The following TBC1D30 variants were observed in gnomAD, a reference collection of about 807,000 sequenced individuals.
TBC1D30 encodes the protein TBC1 domain family member 30.
TBC1D30 carries 31 observed loss-of-function variants against 63.2 expected under a neutral mutation model. The ratio of observed to expected loss-of-function variants is 0.49; its 90% CI spans 0.37 to 0.66. The LOEUF (loss-of-function observed/expected upper bound fraction) is 0.66. Among genes scored for constraint, TBC1D30 ranks in the 30% least tolerant of loss-of-function variants. TBC1D30 has a pLI of 0.00. For missense variants in TBC1D30, 810 were observed against 953.6 expected, an observed-to-expected ratio of 0.85 and a Z score of 1.98; for synonymous variants, 307 against 361.5, an observed-to-expected ratio of 0.85 and a Z score of 1.71.
chr12:64,763,828 C>T (rs1870610418), intron 1 of TBC1D30, among the ~76,000 whole-genome samples: 1 of 152,126 alleles, frequency 6.6e-6, no homozygotes, highest in Non-Finnish European at 1.5e-5. Context: ...TGGTCTCGAA[C>T]TCCTGACCTC....
intron 8 of TBC1D30, among the ~76,000 whole-genome samples, chr12:64,855,881 A>C (rs1877255083): frequency 6.6e-6 from 1 of 152,162 alleles, no homozygotes; most frequent in African/African-American, 2.4e-5. Flanking sequence ...CTGGACATTG[A>C]AGAGTTAGGT....
At chr12:64,834,357 T>C (rs539455160) in intron 5 of TBC1D30, among the ~76,000 whole-genome samples, 1 of 152,206 alleles carries the variant, frequency 6.6e-6, no homozygotes, top group Admixed American at 6.5e-5. Flanking sequence ...TCTTTCATTT[T>C]CAACCTTTTG....
At chr12:64,821,480 A>G (rs1873883641), upstream of TBC1D30, among the ~76,000 whole-genome samples, 1 of 152,246 alleles carries the variant, frequency 6.6e-6, no homozygotes, top group South Asian at 2.1e-4. Flanking sequence ...TTGTTAAAAT[A>G]GAACACAAAA....
chr12:64,828,215 G>A (rs1490823467), intron 2 of TBC1D30, among the ~76,000 whole-genome samples: 1 of 152,154 alleles, frequency 6.6e-6, no homozygotes, highest in Non-Finnish European at 1.5e-5. Flanking sequence ...CAACCATTTT[G>A]TTTGTACTGC....
At chr12:64,834,691 G>A (rs1875177048) in intron 5 of TBC1D30, among the ~76,000 whole-genome samples, 3 of 146,410 alleles carry the variant, frequency 2.0e-5, no homozygotes, top group African/African-American at 5.0e-5. Flanking sequence ...TTACAGGCAT[G>A]AGCCACCGTG....
intron 8 of TBC1D30, among the ~76,000 whole-genome samples, chr12:64,855,106 T>C (rs1189842068): frequency 1.3e-5 from 2 of 152,192 alleles, no homozygotes; most frequent in Non-Finnish European, 2.9e-5. Flanking sequence ...TTTTTTTCTT[T>C]TGGCAGTTTG....
At position 64,880,522 on chromosome 12, in the gene TBC1D30, A is replaced by G. The variant is rs550551159; in HGVS notation, c.*4734A>G. ...TCCTCACACAATGGAGAAAGGGAGT[A>G]TGTTTTGGTCTCTTCCTCTTCTGAT... On this transcript the variant is annotated 3_prime_UTR_variant, in exon 12 of 12. Transcript: ENST00000539867. The G allele has an allele frequency of 1.3e-5, 2 of 152,298 alleles. No homozygotes were observed. The highest frequency in any genetic ancestry group is 4.8e-5 in the African/African-American group (2 of 41,558). The allele number at this position is 152,298 out of a possible 1,614,324, so 9.4% of individuals were successfully genotyped here. A position where few individuals can be genotyped will look rare whatever the true frequency, so the allele number is the denominator to read the frequency against.
upstream of TBC1D30, among the ~76,000 whole-genome samples, chr12:64,821,440 G>C (rs1163572875): frequency 6.6e-6 from 1 of 152,166 alleles, no homozygotes; most frequent in Non-Finnish European, 1.5e-5. Context: ...GGCTTGCCTA[G>C]TGATGGAAAC....
chr12:64,849,739 G>A (rs186517146), intron 8 of TBC1D30, among the ~76,000 whole-genome samples: 135 of 152,126 alleles, frequency 8.9e-4, no homozygotes, highest in African/African-American at 3.0e-3. Context: ...TTGCTTAGGA[G>A]TGTCTTGGCT....
At chr12:64,830,657 C>T (rs962287848) in intron 4 of TBC1D30, among the ~76,000 whole-genome samples, 155 bp downstream of exon 4, 36 of 152,118 alleles carry the variant, frequency 2.4e-4, no homozygotes, top group African/African-American at 7.7e-4. Flanking sequence ...TCATGGGGAA[C>T]CTTGACAATG....
chr12:64,859,806 G>GT (rs1877623188), intron 8 of TBC1D30, among the ~76,000 whole-genome samples: 1 of 152,042 alleles, frequency 6.6e-6, no homozygotes, highest in Admixed American at 6.5e-5. Flanking sequence ...TATGGCACTG[G>GT]TCATAGCTCT....
At chr12:64,780,545 C>T (rs1349378471) in exon 1 of TBC1D30, among the ~76,000 whole-genome samples, 1 of 152,224 alleles carries the variant, frequency 6.6e-6, no homozygotes, top group Non-Finnish European at 1.5e-5. Context: ...GGAGAGCGCT[C>T]TGGGTAGAGG....
chr12:64,809,771 G>C (rs767677718), intron 2 of TBC1D30, among the ~76,000 whole-genome samples: 2 of 152,064 alleles, frequency 1.3e-5, no homozygotes, highest in Non-Finnish European at 2.9e-5. Context: ...CTTCTTGTTT[G>C]TGGCTTTGGA....
intron 2 of TBC1D30, among the ~76,000 whole-genome samples, chr12:64,814,731 C>T (rs994287772): frequency 6.6e-6 from 1 of 152,042 alleles, no homozygotes; most frequent in African/African-American, 2.4e-5. Flanking sequence ...TAATAGGCCA[C>T]GCTTATACTG....
At chr12:64,814,863 A>G (rs1873430144) in intron 2 of TBC1D30, among the ~76,000 whole-genome samples, 2 of 152,206 alleles carry the variant, frequency 1.3e-5, no homozygotes, top group African/African-American at 4.8e-5. Flanking sequence ...AAATTTGACC[A>G]TTACCAGGGC....
chr12:64,804,712 T>A (rs1872764810), intron 2 of TBC1D30, among the ~76,000 whole-genome samples: 2 of 152,180 alleles, frequency 1.3e-5, no homozygotes, highest in Non-Finnish European at 2.9e-5. Flanking sequence ...AAATTCATTT[T>A]TTTCCTCTAA....
chr12:64,867,199 C>T lies in TBC1D30; in HGVS notation c.1291+296C>T, dbSNP rs150831366. On this transcript the variant is annotated intron_variant, in intron 10 of 11. Coordinates refer to ENST00000539867, the MANE Select transcript of TBC1D30 (RefSeq NM_015279.2). ...GTCATTACTAGGCTGGGTGTGGTGG[C>T]TCACGCTTGTAATCCCAGCACTTTG... 4.5e-4 allele frequency among the ~76,000 whole-genome samples: 69 copies of T among 152,160 alleles called. No individual in the cohort carries two copies. In the East Asian group the frequency reaches 8.1e-3, roughly 18 times the overall value.
At chr12:64,782,441 C>T (rs1483784106) in intron 1 of TBC1D30, among the ~76,000 whole-genome samples, 3 of 151,704 alleles carry the variant, frequency 2.0e-5, no homozygotes, top group African/African-American at 7.3e-5. Flanking sequence ...CCAGGTTCCT[C>T]CCCCTGCCTG....
intron 7 of TBC1D30, among the ~76,000 whole-genome samples, chr12:64,841,976 C>T (rs1454524660): frequency 2.6e-5 from 4 of 152,104 alleles, no homozygotes; most frequent in Non-Finnish European, 5.9e-5. Context: ...CAGAAATCCC[C>T]CAATATTAGT....
Sources: gnomAD v4.1 joint callset for allele counts (sites outside exome capture counted in the v4.1 genomes callset) on GRCh38, gnomAD v4.1.1 for gene constraint, MANE v1.5 for transcripts, NCBI Gene and HGNC (gene_info 2026-07-23, HGNC 2026-07-21) for gene names.